FAM193A: variants seen among roughly 807,000 people sequenced by gnomAD.
The protein encoded by FAM193A is protein FAM193A.
FAM193A carries 22 observed loss-of-function variants against 126.5 expected under a neutral mutation model. The observed-to-expected ratio is 0.17, with a 90% CI of 0.12 to 0.25. The LOEUF is 0.25. Among genes scored for constraint, FAM193A ranks in the 10% least tolerant of loss-of-function variants. The probability of loss-of-function intolerance (pLI) is 1.00; values close to 1 mark genes in which losing one functional copy is unlikely to be tolerated. For missense variants in FAM193A, 1,675 were observed against 1,672.8 expected (o/e 1.00, Z -0.02); for synonymous variants, 761 against 646.8 (o/e 1.18, Z -2.68).
intron 13 of FAM193A, 122 bp from the exon 14 acceptor site, chr4:2,689,384 C>A: frequency 1.5e-6 from 1 of 667,718 alleles, no homozygotes; most frequent in Non-Finnish European, 2.4e-6. Flanking sequence ...CTGGGCTGAG[C>A]TCAGCTCATG....
intron 19 of FAM193A, among the ~76,000 whole-genome samples, chr4:2,711,683 T>G (rs1718991806): frequency 6.6e-6 from 1 of 151,266 alleles, no homozygotes; most frequent in Admixed American, 6.6e-5. Flanking sequence ...GCGCTATGGC[T>G]CATGCCTGTA....
At chr4:2,724,087 T>A (rs1177847896) in intron 20 of FAM193A, among the ~76,000 whole-genome samples, 1 of 152,150 alleles carries the variant, frequency 6.6e-6, no homozygotes, top group Non-Finnish European at 1.5e-5. Flanking sequence ...TATTATCTCT[T>A]ATTAATACTA....
At chr4:2,632,414 AAAATT>A (rs939658089) in intron 5 of FAM193A, among the ~76,000 whole-genome samples, 5 of 152,152 alleles carry the variant, frequency 3.3e-5, no homozygotes, top group Non-Finnish European at 5.9e-5. Context: ...AAAAAAATTT[AAAATT>A]AAATTAACCA....
Position 2,643,641 on chromosome 4 carries a change from A to AT in FAM193A, c.1164-3038dup, listed in dbSNP as rs1211510714. Among the ~76,000 whole-genome samples, 12 of 152,010 alleles carry AT rather than the reference A, an allele frequency of 7.9e-5. No individual in the cohort carries two copies. The East Asian group carries it at 2.3e-3, about 29-fold the overall frequency. On this transcript the variant is annotated intron_variant, in intron 6 of 20. Transcript: ENST00000637812. ...AGTTTCCTTCCCTTGACTCCCCACC[A>AT]TTTTTTGTCTTAAAATGTATCTATG...
chr4:2,654,936 C>T (rs75669657), intron 7 of FAM193A: 1 of 493,202 alleles, frequency 2.0e-6, no homozygotes, highest in Non-Finnish European at 3.7e-6. Context: ...GGCATTAACT[C>T]TTGTAGTTTT....
intron 7 of FAM193A, among the ~76,000 whole-genome samples, chr4:2,651,067 A>C (rs777385296): frequency 7.9e-5 from 12 of 152,084 alleles, no homozygotes; most frequent in Non-Finnish European, 1.5e-4. Context: ...CTTGATACTC[A>C]CCCCTGTAAT....
rs1160128295 is a variant in FAM193A, at chr4:2,590,478, A to AAC, written c.256-5605_256-5604insCA. On this transcript the variant is annotated intron_variant, in intron 1 of 20. Coordinates refer to ENST00000637812, the MANE Select transcript of FAM193A (RefSeq NM_001366318.2). ...GACTCCATCTCAAAAAAAAAAAACAAAAAAAAACAAAAAAAAACAAAAAAA... is the reference window on the plus strand; with the variant it reads ...GACTCCATCTCAAAAAAAAAAAACAAACAAAAAAACAAAAAAAAACAAAAAAA... Among the ~76,000 whole-genome samples the AAC allele has an allele frequency of 2.2e-5, 2 of 92,818 alleles. 1 individual carries two copies. Among genetic ancestry groups the AAC allele is most frequent in the African/African-American group, 1.4e-4 (2 of 13,832 alleles). 60.9% of individuals were successfully genotyped at this position (92,818 alleles called of 152,430 possible).
intron 2 of FAM193A, among the ~76,000 whole-genome samples, chr4:2,611,294 A>G (rs1221514396): frequency 6.6e-6 from 1 of 150,894 alleles, no homozygotes; most frequent in Non-Finnish European, 1.5e-5. Context: ...TTTGAGACAG[A>G]GTCTCACTGT....
intron 13 of FAM193A, among the ~76,000 whole-genome samples, chr4:2,679,071 A>C (rs1474094213): frequency 6.6e-6 from 1 of 151,948 alleles, no homozygotes; most frequent in Non-Finnish European, 1.5e-5. Flanking sequence ...GGCTTTTATT[A>C]TGTTTTGGTA....
At chr4:2,670,060 C>G (rs930461156) in intron 12 of FAM193A, among the ~76,000 whole-genome samples, 1 of 152,138 alleles carries the variant, frequency 6.6e-6, no homozygotes, top group Non-Finnish European at 1.5e-5. Flanking sequence ...TCCTCTGGGA[C>G]TTGGTTCTGC....
chr4:2,581,477 C>T (rs1320363942), intron 1 of FAM193A, among the ~76,000 whole-genome samples: 1 of 151,906 alleles, frequency 6.6e-6, no homozygotes, highest in East Asian at 1.9e-4. Flanking sequence ...CTGATCTCGA[C>T]TCCTGAGCTC....
At chr4:2,552,682 C>G (rs190486136) in intron 1 of FAM193A, among the ~76,000 whole-genome samples, 1 of 151,180 alleles carries the variant, frequency 6.6e-6, no homozygotes, top group African/African-American at 2.4e-5. Context: ...GGACTACAGG[C>G]GCCCACCACC....
rs1318288639 is a variant in FAM193A at position 2,690,940 on chromosome 4, A to C, written c.2773A>C (p.Arg925=). The part of the protein sequence containing the change: ...TTVQSSNSQF[R]VSSKRPPSVG... Reference sequence around the variant, plus strand: ...AGTGCAGTCCAGCAACAGCCAGTTCAGAGTGTCATCCAAGAGACCTCCTTC... The same window carrying C: ...AGTGCAGTCCAGCAACAGCCAGTTCCGAGTGTCATCCAAGAGACCTCCTTC... The change falls in exon 15 of 21, where the codon AGA becomes CGA. Residue 925 remains arginine (R), a synonymous_variant. Coordinates refer to ENST00000637812, the MANE Select transcript of FAM193A (RefSeq NM_001366318.2). 5 of 1,613,982 alleles carry C rather than the reference A, an allele frequency of 3.1e-6. No individual in the cohort carries two copies. Among genetic ancestry groups the C allele is most frequent in the African/African-American group, 1.3e-5 (1 of 74,944 alleles).
At chr4:2,581,605 C>A (rs1448426807) in intron 1 of FAM193A, among the ~76,000 whole-genome samples, 2 of 151,498 alleles carry the variant, frequency 1.3e-5, no homozygotes, top group African/African-American at 4.9e-5. Flanking sequence ...CAATAAATTT[C>A]CTGTTTTTGT....
At chr4:2,535,588 T>C (rs1366690159), upstream of FAM193A, among the ~76,000 whole-genome samples, 1 of 152,092 alleles carries the variant, frequency 6.6e-6, no homozygotes, top group South Asian at 2.1e-4. Context: ...GTGGCCCGGG[T>C]CTCAGGGCAG....
intron 13 of FAM193A, among the ~76,000 whole-genome samples, chr4:2,681,481 TACTC>T (rs558545223): frequency 1.6e-4 from 24 of 152,182 alleles, no homozygotes; most frequent in Non-Finnish European, 2.8e-4. Context: ...AGACAAAGCT[TACTC>T]AGTTGCCCAG....
At chr4:2,706,206 T>C (rs2109333026) in intron 19 of FAM193A, among the ~76,000 whole-genome samples, 1 of 151,606 alleles carries the variant, frequency 6.6e-6, no homozygotes, top group Admixed American at 6.6e-5. Flanking sequence ...ACCTTGTTTC[T>C]ACAAAAACAA....
At chr4:2,655,038 C>T (rs1560527351) in intron 7 of FAM193A, 6 of 674,570 alleles carry the variant, frequency 8.9e-6, no homozygotes, top group Non-Finnish European at 1.4e-5. Flanking sequence ...CATTTGTCCC[C>T]TTTTTTTGGC....
intron 13 of FAM193A, among the ~76,000 whole-genome samples, chr4:2,686,993 A>G (rs749564239): frequency 6.6e-6 from 1 of 152,140 alleles, no homozygotes; most frequent in Admixed American, 6.5e-5. Flanking sequence ...TACCAAAACA[A>G]TGACTTCAGG....
Sources: gnomAD v4.1 joint callset for allele counts (sites outside exome capture counted in the v4.1 genomes callset) on GRCh38, gnomAD v4.1.1 for gene constraint, MANE v1.5 for transcripts, NCBI Gene and HGNC (gene_info 2026-07-23, HGNC 2026-07-21) for gene names.